Variants in TRPS1 observed in about 807,000 individuals in gnomAD.
TRPS1 encodes transcriptional repressor GATA binding 1.
A neutral mutation model predicts 101.2 loss-of-function variants in TRPS1; 6 were observed. The ratio of observed to expected loss-of-function variants is 0.06; its 90% confidence interval spans 0.03 to 0.12. The LOEUF (loss-of-function observed/expected upper bound fraction) is 0.12, where lower values mean the gene tolerates loss of function less well. Among genes scored for constraint, TRPS1 ranks in the 10% least tolerant of loss-of-function variants. TRPS1 has a pLI of 1.00. For missense variants in TRPS1, 1,363 were observed against 1,567.0 expected (o/e 0.87, Z 2.20); for synonymous variants, 578 against 589.8 (o/e 0.98, Z 0.29).
At chr8:115,579,924 A>C (rs1817403795) in intron 5 of TRPS1, among the ~76,000 whole-genome samples, 2 of 152,088 alleles carry the variant, frequency 1.3e-5, no homozygotes, top group South Asian at 4.1e-4. Context: ...ATCAGAAAAA[A>C]ACAAAACTAA....
chr8:115,522,816 A>T (rs940828952), intron 5 of TRPS1, among the ~76,000 whole-genome samples: 1 of 152,124 alleles, frequency 6.6e-6, no homozygotes, highest in African/African-American at 2.4e-5. Flanking sequence ...GTTATTTTTT[A>T]CCTTCTGTAA....
intron 3 of TRPS1, among the ~76,000 whole-genome samples, chr8:115,612,148 A>C (rs986424983): frequency 0.27 from 50 of 184 alleles, no homozygotes; most frequent in Non-Finnish European, 0.37. Flanking sequence ...GACAGAAGAA[A>C]AGAACAGAAA....
At chr8:115,489,245 G>A (rs186412326) in intron 5 of TRPS1, among the ~76,000 whole-genome samples, 63 of 152,266 alleles carry the variant, frequency 4.1e-4, no homozygotes, top group African/African-American at 1.5e-3. Context: ...GGAACATATT[G>A]TCTTATTTCA....
chr8:115,520,868 A>T lies in TRPS1; in HGVS notation c.2700+66133T>A, dbSNP rs1288941241. On this transcript the variant is annotated intron_variant, in intron 5 of 6. Transcript: ENST00000395715. ...GATTTTCCTTTAAAGCAGTTTTTCC[A>T]TCTCACTATTTTCCTTATTAATGAG... Among the ~76,000 whole-genome samples, 3 of 151,776 alleles carry T rather than the reference A, an allele frequency of 2.0e-5. No individual in the cohort carries two copies. In the East Asian group the frequency reaches 5.8e-4, roughly 29 times the overall value.
At chr8:115,637,327 G>A (rs1282095105) in intron 1 of TRPS1, 18 of 985,054 alleles carry the variant, frequency 1.8e-5, no homozygotes, top group South Asian at 9.4e-5. Flanking sequence ...GCCACTTGAA[G>A]TTTCTAAAAA....
chr8:115,447,327 T>C (rs1406713390), intron 5 of TRPS1, among the ~76,000 whole-genome samples: 2 of 152,184 alleles, frequency 1.3e-5, no homozygotes, highest in African/African-American at 4.8e-5. Flanking sequence ...AGTAATAAAA[T>C]TTCATATGTA....
At position 115,623,754 on chromosome 8, in the gene TRPS1, T is replaced by C; in HGVS notation, c.-117A>G. On this transcript the variant is annotated 5_prime_UTR_variant, in exon 2 of 7. Transcript: ENST00000395715. Reference sequence around the variant, plus strand: ...AGAAGACATTTTGAGAGCTGATCTGTACATCTGCAAAACAAAGCAAAAGAA... The same window carrying C: ...AGAAGACATTTTGAGAGCTGATCTGCACATCTGCAAAACAAAGCAAAAGAA... The C allele has an allele frequency of 6.7e-7, 1 of 1,489,286 alleles. No homozygotes were observed. The highest frequency in any genetic ancestry group is 2.5e-5 in the East Asian group (1 of 40,722). The allele number at this position is 1,489,286 out of a possible 1,614,324, so 92.3% of individuals were successfully genotyped here.
intron 5 of TRPS1, among the ~76,000 whole-genome samples, chr8:115,533,438 T>TTTTTTTTTTTTTTTTTTG (rs1816191165): frequency 8.4e-6 from 1 of 118,418 alleles, no homozygotes; most frequent in African/African-American, 3.9e-5. Context: ...TGTAATCTGT[T>TTTTTTTTTTTTTTTTTTG]TTTTTTTTTT....
At chr8:115,518,455 T>C (rs1017775144) in intron 5 of TRPS1, among the ~76,000 whole-genome samples, 18 of 151,824 alleles carry the variant, frequency 1.2e-4, no homozygotes, top group Admixed American at 2.6e-4. Context: ...ACAAATATTA[T>C]GCTATTTTCC....
At chr8:115,489,769 C>T (rs1814974828) in intron 5 of TRPS1, among the ~76,000 whole-genome samples, 1 of 151,958 alleles carries the variant, frequency 6.6e-6, no homozygotes, top group Admixed American at 6.6e-5. Context: ...AAAATTAAGG[C>T]TTTCTGAAAG....
intron 5 of TRPS1, among the ~76,000 whole-genome samples, chr8:115,479,780 C>T (rs567910455): frequency 1.6e-4 from 25 of 152,200 alleles, no homozygotes; most frequent in African/African-American, 6.0e-4. Context: ...AAAGGTTTTG[C>T]TTTTAATAAA....
At chr8:115,634,953 T>A (rs1818734112) in intron 1 of TRPS1, among the ~76,000 whole-genome samples, 1 of 151,708 alleles carries the variant, frequency 6.6e-6, no homozygotes, top group African/African-American at 2.4e-5. Context: ...GAAATAAAAG[T>A]GGAATTCTCC....
In TRPS1 at chr8:115,564,340, A is replaced by C. The variant is rs1817016609; in HGVS notation, c.2700+22661T>G. On this transcript the variant is annotated intron_variant, in intron 5 of 6. Transcript: ENST00000395715. The stretch of plus-strand genomic sequence containing the variant: ...CCTTTAATACTTAATTTTATTTTTT[A>C]TGCTGTGGCCCTCTAGCTATACCTG... Among the ~76,000 whole-genome samples the C allele has an allele frequency of 2.0e-5, 3 of 152,166 alleles. No homozygotes were observed. The South Asian group carries it at 6.2e-4, about 32-fold the overall frequency.
chr8:115,579,785 C>G (rs1817401263), intron 5 of TRPS1, among the ~76,000 whole-genome samples: 1 of 151,890 alleles, frequency 6.6e-6, no homozygotes, highest in Non-Finnish European at 1.5e-5. Flanking sequence ...AGTAATTCTT[C>G]AAAATTAAGA....
chr8:115,552,255 C>CTACAA (rs1816722568), intron 5 of TRPS1, among the ~76,000 whole-genome samples: 2 of 151,916 alleles, frequency 1.3e-5, no homozygotes, highest in African/African-American at 2.4e-5. Context: ...ATTAAGTGTG[C>CTACAA]TACAAGACCT....
At chr8:115,555,800 C>T (rs748049214) in intron 5 of TRPS1, among the ~76,000 whole-genome samples, 8 of 151,774 alleles carry the variant, frequency 5.3e-5, no homozygotes, top group Non-Finnish European at 1.0e-4. Context: ...TCTAGGAGTT[C>T]GAGACCAGCC....
chr8:115,514,348 T>C (rs1815657183), intron 5 of TRPS1, among the ~76,000 whole-genome samples: 1 of 151,758 alleles, frequency 6.6e-6, no homozygotes, highest in Non-Finnish European at 1.5e-5. Context: ...AGTTGAATCC[T>C]GGCTCTGCCA....
At chr8:115,665,587 T>G (rs1181369163) in intron 1 of TRPS1, among the ~76,000 whole-genome samples, 1 of 152,208 alleles carries the variant, frequency 6.6e-6, no homozygotes, top group African/African-American at 2.4e-5. Context: ...TATGTGTAAC[T>G]TATTTCGGAT....
intron 1 of TRPS1, among the ~76,000 whole-genome samples, chr8:115,637,075 G>C (rs1045087401): frequency 3.3e-5 from 5 of 152,252 alleles, no homozygotes; most frequent in East Asian, 1.9e-4. Flanking sequence ...ACAGAGATGA[G>C]AGTGAAGATT....
Sources: gnomAD v4.1 joint callset for allele counts (sites outside exome capture counted in the v4.1 genomes callset) on GRCh38, gnomAD v4.1.1 for gene constraint, MANE v1.5 for transcripts, NCBI Gene and HGNC (gene_info 2026-07-23, HGNC 2026-07-21) for gene names.